DARS1: variants seen among roughly 807,000 people sequenced by gnomAD.
DARS1 encodes the protein aspartate--tRNA ligase, cytoplasmic.
DARS1 carries 51 observed loss-of-function variants against 68.8 expected under a neutral mutation model. That is an observed-to-expected ratio of 0.74 (90% CI 0.59 to 0.94). DARS1 has a LOEUF of 0.94. Ranked by LOEUF, DARS1 falls within the 40% of genes least tolerant of loss-of-function variation. The pLI, the probability that DARS1 is intolerant of heterozygous loss-of-function variation, is 0.00. For synonymous variants in DARS1, 203 were observed against 190.4 expected (o/e 1.07, Z -0.55); for missense variants, 607 against 597.3 (o/e 1.02, Z -0.17).
intron 3 of DARS1, among the ~76,000 whole-genome samples, chr2:135,977,324 AAC>A (rs1197285857): frequency 2.0e-5 from 3 of 152,234 alleles, no homozygotes; most frequent in Admixed American, 6.5e-5. Context: ...CCAGGATTCA[AAC>A]ACACATCTGT....
intron 2 of DARS1, among the ~76,000 whole-genome samples, chr2:135,980,832 A>T (rs2104850518): frequency 6.6e-6 from 1 of 152,326 alleles, no homozygotes; most frequent in Non-Finnish European, 1.5e-5. Context: ...TTTTACTAGC[A>T]CTTTGGAGAA....
Position 135,968,514 on chromosome 2 carries a change from G to A in DARS1, c.218-7016C>T, listed in dbSNP as rs75214175. On this transcript the variant is annotated intron_variant, in intron 3 of 15. Transcript: ENST00000264161. ...CTAAGGTGGCAGAGGGCATCAAGGT[G>A]AAAAGCTGAGTGTGCTAGTTTAGGT... Among the ~76,000 whole-genome samples the A allele has an allele frequency of 8.6e-3, 1,309 of 152,220 alleles. 16 individuals are homozygous for A. Among genetic ancestry groups the A allele is most frequent in the African/African-American group, 0.028 (1,156 of 41,514 alleles).
intron 6 of DARS1, 68 bp downstream of exon 6, chr2:135,933,842 C>T: frequency 1.3e-6 from 2 of 1,535,158 alleles, no homozygotes; most frequent in Non-Finnish European, 1.8e-6. Context: ...CTTAGTACAT[C>T]AGGTTTTCAA....
intron 2 of DARS1, among the ~76,000 whole-genome samples, chr2:135,981,422 C>T (rs1205652638): frequency 6.6e-6 from 1 of 152,124 alleles, no homozygotes; most frequent in African/African-American, 2.4e-5. Flanking sequence ...AACCCGAAAA[C>T]CCGGAATGCT....
intron 2 of DARS1, among the ~76,000 whole-genome samples, chr2:135,981,357 A>G (rs1334358018): frequency 1.3e-5 from 2 of 152,114 alleles, no homozygotes; most frequent in African/African-American, 4.8e-5. Context: ...GCAGAGGAAT[A>G]TCATCCCCTA....
At chr2:135,916,581 G>A (rs957609744) in intron 10 of DARS1, among the ~76,000 whole-genome samples, 2 of 151,940 alleles carry the variant, frequency 1.3e-5, no homozygotes, top group African/African-American at 4.8e-5. Context: ...AACATCAAAG[G>A]ATTAAAAATT....
intron 5 of DARS1, among the ~76,000 whole-genome samples, chr2:135,937,963 T>C (rs1681506144): frequency 1.3e-5 from 2 of 152,222 alleles, no homozygotes; most frequent in South Asian, 2.1e-4. Flanking sequence ...CTGACAATTG[T>C]GTGTCTTGGA....
intron 4 of DARS1, among the ~76,000 whole-genome samples, chr2:135,946,347 CCA>C (rs1334518317): frequency 6.6e-6 from 1 of 152,076 alleles, no homozygotes; most frequent in Non-Finnish European, 1.5e-5. Context: ...TACTGGAATC[CCA>C]CAATCTTCCT....
intron 5 of DARS1, among the ~76,000 whole-genome samples, chr2:135,942,489 CA>C: frequency 8.2e-6 from 1 of 122,050 alleles, no homozygotes; most frequent in Non-Finnish European, 1.6e-5. Context: ...GAACATCACA[CA>C]TCAGGGCCTG....
chr2:135,934,314 AGC>A (rs1681418308), intron 5 of DARS1, among the ~76,000 whole-genome samples: 1 of 152,148 alleles, frequency 6.6e-6, no homozygotes, highest in Admixed American at 6.5e-5. Context: ...CTTACGGTCT[AGC>A]TATGTCAAAA....
rs1281868711 is a variant in DARS1, at chr2:135,909,177, G to A, written c.1415-1770C>T. Among the ~76,000 whole-genome samples the A allele has an allele frequency of 2.6e-5, 4 of 152,278 alleles. No homozygotes were observed. In the East Asian group the frequency reaches 7.7e-4, roughly 29 times the overall value. On this transcript the variant is annotated intron_variant, in intron 15 of 15. Transcript: ENST00000264161. ...AGCATTAGGAAAAAGAGCAATGCAT[G>A]CAGGGCTTCATACCTAGGTGATGGG...
At chr2:135,915,901 G>A (rs536510925) in intron 11 of DARS1, among the ~76,000 whole-genome samples, 2 of 152,050 alleles carry the variant, frequency 1.3e-5, no homozygotes, top group African/African-American at 4.8e-5. Context: ...GGAAAATGGT[G>A]TTTATAAACA....
At chr2:135,934,142 G>T (rs1681414813) in intron 5 of DARS1, 152 bp from the exon 6 acceptor site, 3 of 1,369,188 alleles carry the variant, frequency 2.2e-6, no homozygotes, top group East Asian at 5.3e-5. Flanking sequence ...GATGATACAG[G>T]TTTTTTCACC....
At chr2:135,908,081 G>T (rs1156699803) in intron 15 of DARS1, among the ~76,000 whole-genome samples, 2 of 152,154 alleles carry the variant, frequency 1.3e-5, no homozygotes, top group African/African-American at 4.8e-5. Context: ...TTAAAAAAAT[G>T]ATACATTAAG....
intron 10 of DARS1, among the ~76,000 whole-genome samples, chr2:135,918,014 G>C (rs1221956662): frequency 1.3e-5 from 2 of 152,062 alleles, no homozygotes; most frequent in Non-Finnish European, 2.9e-5. Flanking sequence ...CTGCCTGCTG[G>C]GTTCAAGCAA....
rs568340709 is a variant in DARS1 at position 135,956,206 on chromosome 2, A to G, written c.320+5190T>C. On this transcript the variant is annotated intron_variant, in intron 4 of 15. Transcript: ENST00000264161. ...GACAATACTTAAAGTGGTAAAAACA[A>G]ATTTTATTCAAGATTATTGCAATAG... 3.3e-5 allele frequency among the ~76,000 whole-genome samples: 5 copies of G among 152,336 alleles called. No individual in the cohort carries two copies. In the South Asian group the frequency reaches 1.0e-3, roughly 32 times the overall value.
chr2:135,938,393 T>C (rs1424513370), intron 5 of DARS1, among the ~76,000 whole-genome samples: 1 of 152,196 alleles, frequency 6.6e-6, no homozygotes, highest in African/African-American at 2.4e-5. Flanking sequence ...ATTCATCTAA[T>C]CTTTTTTTCA....
intron 4 of DARS1, among the ~76,000 whole-genome samples, chr2:135,947,409 GAA>G (rs201907095): frequency 1.5e-5 from 1 of 67,686 alleles, no homozygotes; most frequent in African/African-American, 5.6e-5. Context: ...CTCCATCTCA[GAA>G]AAAAAAAAAA....
intron 8 of DARS1, among the ~76,000 whole-genome samples, chr2:135,923,756 A>G (rs983683669): frequency 2.6e-5 from 4 of 152,148 alleles, no homozygotes; most frequent in African/African-American, 9.7e-5. Context: ...GGTGGCTCAC[A>G]TCTGTAATCC....
Sources: allele counts gnomAD v4.1 joint callset (sites outside exome capture counted in the v4.1 genomes callset), GRCh38; gene constraint gnomAD v4.1.1; transcripts MANE v1.5; gene names NCBI Gene and HGNC (gene_info 2026-07-23, HGNC 2026-07-21).